Variants in NBEA observed in about 807,000 individuals in gnomAD.
The protein encoded by NBEA is neurobeachin.
In NBEA, 44 loss-of-function variants were observed where a neutral mutation model predicts 343.4. The ratio of observed to expected loss-of-function variants is 0.13; its 90% confidence interval spans 0.10 to 0.16. NBEA has a LOEUF of 0.16. NBEA is among the 10% of genes least tolerant of loss of function. The pLI is 1.00. For missense variants in NBEA, 2,555 were observed against 3,631.3 expected, an observed-to-expected ratio of 0.70 and a Z score of 7.62; for synonymous variants, 1,175 against 1,238.7, an observed-to-expected ratio of 0.95 and a Z score of 1.08.
chr13:35,117,579 T>A, intron 14 of NBEA, 86 bp downstream of exon 14: 2 of 530,424 alleles, frequency 3.8e-6, no homozygotes. Context: ...AAATTAGTAA[T>A]AGCTACCTTT....
At chr13:35,103,922 T>C (rs941285401) in intron 11 of NBEA, among the ~76,000 whole-genome samples, 4 of 151,902 alleles carry the variant, frequency 2.6e-5, no homozygotes, top group African/African-American at 9.7e-5. Context: ...TCCTTCACCA[T>C]TGGTTACCTA....
Position 35,160,008 on chromosome 13 carries a change from A to C in NBEA, c.3837A>C (p.Lys1279Asn). The change falls in exon 22 of 59, where the codon AAA (lysine) becomes AAC (asparagine). Residue 1279 changes from lysine to asparagine, a missense_variant. Physicochemically the swap from Lys to Asn is moderately conservative, Grantham distance 94 (BLOSUM62 0). Transcript: ENST00000379939. ...DGKESGKEIR[K>N]IQTTTTTQAV... ...AAGAATCAGGAAAAGAAATCCGAAAAATCCAAACAACTACTACGACACAAG... is the reference window on the plus strand; with the variant it reads ...AAGAATCAGGAAAAGAAATCCGAAACATCCAAACAACTACTACGACACAAG... 1 of 1,585,248 alleles carries C rather than the reference A, an allele frequency of 6.3e-7. No individual in the cohort carries two copies. Among genetic ancestry groups the C allele is most frequent in the Non-Finnish European group, 8.6e-7 (1 of 1,167,624 alleles).
rs1168143463 is a variant in NBEA at position 35,583,987 on chromosome 13, T to C, written c.7125T>C (p.Tyr2375=). Residue 2375 remains tyrosine (Y), a synonymous_variant, in exon 46 of 59, where the codon TAT becomes TAC. Coordinates refer to ENST00000379939, the MANE Select transcript of NBEA (RefSeq NM_001385012.1). The part of the protein sequence containing the change: ...WEDDQSPPYH[Y]NTHYSTATST... ...ATGATCAAAGCCCACCCTACCATTA[T>C]AATACCCATTATTCAACAGCAACAT... The C allele has an allele frequency of 4.3e-6, 7 of 1,613,396 alleles. No homozygotes were observed. The African/African-American group carries it at 9.3e-5, about 22-fold the overall frequency.
At chr13:35,472,362 A>T (rs375283831) in intron 40 of NBEA, 38 bp from the exon 41 acceptor site, 46 of 1,597,788 alleles carry the variant, frequency 2.9e-5, no homozygotes, top group Middle Eastern at 2.0e-4. Context: ...GAAGGGCCAC[A>T]GGGGCTCAGC....
chr13:35,302,620 G>A (rs893627987), intron 35 of NBEA, among the ~76,000 whole-genome samples: 1 of 152,076 alleles, frequency 6.6e-6, no homozygotes, highest in East Asian at 1.9e-4. Flanking sequence ...TTCATATCTG[G>A]CAAACAAACT....
intron 45 of NBEA, among the ~76,000 whole-genome samples, chr13:35,576,984 A>G (rs1055397864): frequency 1.3e-5 from 2 of 152,216 alleles, no homozygotes; most frequent in Admixed American, 1.3e-4. Flanking sequence ...ATTAGCCCAT[A>G]TAACTGAGAA....
chr13:35,663,168 T>G (rs2085181655), intron 55 of NBEA, among the ~76,000 whole-genome samples: 1 of 152,208 alleles, frequency 6.6e-6, no homozygotes, highest in African/African-American at 2.4e-5. Context: ...CAATAAATTA[T>G]TAGCCGTAGT....
intron 11 of NBEA, among the ~76,000 whole-genome samples, chr13:35,100,323 A>T (rs2152642645): frequency 6.6e-6 from 1 of 152,170 alleles, no homozygotes; most frequent in African/African-American, 2.4e-5. Context: ...GTAGATTGTT[A>T]AGTAGATTGA....
At chr13:35,099,202 T>TG (rs2065501091) in intron 11 of NBEA, among the ~76,000 whole-genome samples, 1 of 147,400 alleles carries the variant, frequency 6.8e-6, no homozygotes, top group African/African-American at 2.5e-5. Context: ...GCTAAAGTTT[T>TG]TTTTTTTTTT....
intron 38 of NBEA, among the ~76,000 whole-genome samples, chr13:35,368,476 T>A (rs1423101751): frequency 2.0e-5 from 3 of 151,736 alleles, no homozygotes; most frequent in African/African-American, 7.2e-5. Context: ...TCTCTATCTC[T>A]ATTCTGTCCC....
At chr13:35,469,634 C>T (rs539295913) in intron 40 of NBEA, among the ~76,000 whole-genome samples, 12 of 152,004 alleles carry the variant, frequency 7.9e-5, no homozygotes, top group African/African-American at 2.2e-4. Context: ...CTATGTGTGC[C>T]GAGGACATTA....
chr13:35,601,092 G>A (rs945676259), intron 47 of NBEA, among the ~76,000 whole-genome samples: 10 of 151,832 alleles, frequency 6.6e-5, no homozygotes, highest in Non-Finnish European at 1.2e-4. Flanking sequence ...CTCAAGAATC[G>A]CTTGAACCTG....
chr13:35,038,964 G>A lies in NBEA; in HGVS notation c.295-1969G>A, dbSNP rs73167748. Among the ~76,000 whole-genome samples, 544 of 152,246 alleles carry A rather than the reference G, an allele frequency of 3.6e-3. 3 individuals are homozygous for A. The highest frequency in any genetic ancestry group is 4.8e-3 in the Non-Finnish European group (326 of 68,018). On this transcript the variant is annotated intron_variant, in intron 1 of 58. Coordinates refer to ENST00000379939, the MANE Select transcript of NBEA (RefSeq NM_001385012.1). ...TATGAGGTACAGTCCTTATGGCCTAGACTGCCTTTCAAGTTTACTTAAACA... is the reference window on the plus strand; with the variant it reads ...TATGAGGTACAGTCCTTATGGCCTAAACTGCCTTTCAAGTTTACTTAAACA...
chr13:35,468,056 G>A (rs142836812), intron 40 of NBEA, among the ~76,000 whole-genome samples: 230 of 149,840 alleles, frequency 1.5e-3, no homozygotes, highest in African/African-American at 5.5e-3. Flanking sequence ...AATAGCCATC[G>A]TTGCCTTTTA....
intron 16 of NBEA, among the ~76,000 whole-genome samples, chr13:35,119,094 A>G (rs945769604): frequency 1.3e-5 from 2 of 152,216 alleles, no homozygotes. Flanking sequence ...ATGTTTTGGA[A>G]TAACAGGCCA....
At chr13:35,222,835 G>A (rs2074443837) in intron 33 of NBEA, among the ~76,000 whole-genome samples, 1 of 152,024 alleles carries the variant, frequency 6.6e-6, no homozygotes, top group African/African-American at 2.4e-5. Flanking sequence ...ATATCTTAAC[G>A]AAGAAACAGT....
At chr13:35,522,475 C>CAAAAAAAAAAAAAAAAAAAAA (rs138270833) in intron 41 of NBEA, among the ~76,000 whole-genome samples, 3 of 42,036 alleles carry the variant, frequency 7.1e-5, no homozygotes, top group Admixed American at 2.7e-4. Context: ...ATACCATCTC[C>CAAAAAAAAAAAAAAAAAAAAA]AAAAAAAAAA....
intron 41 of NBEA, among the ~76,000 whole-genome samples, chr13:35,540,791 G>A (rs1458623391): frequency 3.3e-5 from 5 of 152,076 alleles, no homozygotes; most frequent in Admixed American, 1.3e-4. Flanking sequence ...TATATAATAA[G>A]ATAGATCAAT....
chr13:35,666,947 T>G (rs1290608571), intron 56 of NBEA, among the ~76,000 whole-genome samples: 1 of 152,238 alleles, frequency 6.6e-6, no homozygotes, highest in Non-Finnish European at 1.5e-5. Context: ...GGCAGTGTAT[T>G]GATGTGGTAC....
Sources: allele counts gnomAD v4.1 joint callset (sites outside exome capture counted in the v4.1 genomes callset), GRCh38; gene constraint gnomAD v4.1.1; transcripts MANE v1.5; gene names NCBI Gene and HGNC (gene_info 2026-07-23, HGNC 2026-07-21).